SYT2: variants seen among roughly 807,000 people sequenced by gnomAD.
The protein encoded by SYT2 is synaptotagmin 2.
In SYT2, 15 loss-of-function variants were observed where a neutral mutation model predicts 39.9. The ratio of observed to expected loss-of-function variants is 0.38; its 90% confidence interval spans 0.25 to 0.58. The LOEUF is 0.58. SYT2 is among the 20% of genes least tolerant of loss of function. The probability of loss-of-function intolerance (pLI) is 0.70; values close to 1 mark genes in which losing one functional copy is unlikely to be tolerated. For missense variants in SYT2, 389 were observed against 530.3 expected, an observed-to-expected ratio of 0.73 and a Z score of 2.62; for synonymous variants, 181 against 204.5, an observed-to-expected ratio of 0.89 and a Z score of 0.98.
intron 1 of SYT2, among the ~76,000 whole-genome samples, chr1:202,654,523 C>T (rs1286992888): frequency 6.6e-6 from 1 of 152,230 alleles, no homozygotes. Flanking sequence ...TTGCCTACTT[C>T]ATGTGTCAAA....
intron 5 of SYT2, 49 bp downstream of exon 5, chr1:202,602,329 G>A (rs1690535112): frequency 6.4e-7 from 1 of 1,572,316 alleles, no homozygotes; most frequent in Admixed American, 1.7e-5. Flanking sequence ...ACTCAGCAGA[G>A]AATTGGGATC....
In SYT2 at chr1:202,625,168, G is replaced by C. The variant is rs1229772397; in HGVS notation, c.-17-19379C>G. 2.3e-4 allele frequency among the ~76,000 whole-genome samples: 20 copies of C among 88,730 alleles called. No individual in the cohort carries two copies. In the Admixed American group the frequency reaches 2.4e-3, roughly 11 times the overall value. The allele number at this position is 88,730 out of a possible 152,430, so 58.2% of individuals were successfully genotyped here. A position where few individuals can be genotyped will look rare whatever the true frequency, so the allele number is the denominator to read the frequency against. On this transcript the variant is annotated intron_variant, in intron 1 of 8. Coordinates refer to ENST00000367268, the MANE Select transcript of SYT2 (RefSeq NM_177402.5). The stretch of plus-strand genomic sequence containing the variant: ...ATAGGGTGTGTGGTGTGTCTGTGTG[G>C]TGTGTGTGTCGTGTGTGTGGCATGT...
intron 1 of SYT2, among the ~76,000 whole-genome samples, chr1:202,651,092 G>C (rs894452087): frequency 1.3e-5 from 2 of 152,166 alleles, no homozygotes; most frequent in Non-Finnish European, 2.9e-5. Context: ...CACAGCGGAA[G>C]GCTTGAAGCA....
intron 8 of SYT2, among the ~76,000 whole-genome samples, chr1:202,597,399 G>C (rs1261341174): frequency 6.6e-6 from 1 of 152,162 alleles, no homozygotes; most frequent in African/African-American, 2.4e-5. Context: ...TCACAGAAGA[G>C]GTGACTGGGA....
At chr1:202,642,355 C>G (rs368037814) in intron 1 of SYT2, among the ~76,000 whole-genome samples, 1 of 152,170 alleles carries the variant, frequency 6.6e-6, no homozygotes, top group East Asian at 1.9e-4. Flanking sequence ...CTTGTCCCCC[C>G]GCGCGCCCTC....
chr1:202,637,566 C>T (rs528096182), intron 1 of SYT2, among the ~76,000 whole-genome samples: 3 of 152,352 alleles, frequency 2.0e-5, no homozygotes, highest in Admixed American at 6.5e-5. Flanking sequence ...CCAGCCCAGC[C>T]GAGCAGTGGG....
At chr1:202,602,973 C>T in intron 4 of SYT2, 26 bp downstream of exon 4, 1 of 1,515,116 alleles carries the variant, frequency 6.6e-7, no homozygotes. Flanking sequence ...CATTCCCCCA[C>T]TCTGCCCCCC....
rs1264275521 is a variant in SYT2, at chr1:202,708,759, AG to A, written c.-18+1498del. ...TGCCAGGCACGTCCCACTGCATCAG[AG>A]CCACCCTGCCCCCTTCCACCTGCCA... is the stretch of plus-strand genomic sequence containing the variant. On this transcript the variant is annotated intron_variant, in intron 1 of 8. Coordinates refer to ENST00000367268, the MANE Select transcript of SYT2 (RefSeq NM_177402.5). 5.9e-5 allele frequency among the ~76,000 whole-genome samples: 9 copies of A among 152,260 alleles called. No individual in the cohort carries two copies. The East Asian group carries it at 1.7e-3, about 29-fold the overall frequency.
At chr1:202,693,730 T>C (rs913627024) in intron 1 of SYT2, among the ~76,000 whole-genome samples, 3 of 152,218 alleles carry the variant, frequency 2.0e-5, no homozygotes, top group Non-Finnish European at 2.9e-5. Flanking sequence ...AAAAAAAAGA[T>C]GCACTGTCCA....
At chr1:202,703,143 CAG>C (rs1654163079) in intron 1 of SYT2, among the ~76,000 whole-genome samples, 1 of 152,160 alleles carries the variant, frequency 6.6e-6, no homozygotes, top group Non-Finnish European at 1.5e-5. Flanking sequence ...CCTTAGGGAG[CAG>C]AGGTTCTCTG....
At chr1:202,626,430 A>G (rs1691416337) in intron 1 of SYT2, among the ~76,000 whole-genome samples, 1 of 88,736 alleles carries the variant, frequency 1.1e-5, no homozygotes, top group Non-Finnish European at 2.1e-5. Context: ...TTTTTTTGAG[A>G]CAGGGTCTCA....
intron 1 of SYT2, among the ~76,000 whole-genome samples, chr1:202,697,426 G>A (rs1289684707): frequency 6.6e-6 from 1 of 152,266 alleles, no homozygotes; most frequent in East Asian, 1.9e-4. Flanking sequence ...AGAGCCATGT[G>A]TGTGGCCTGT....
chr1:202,665,254 A>C (rs748976746), intron 1 of SYT2, among the ~76,000 whole-genome samples: 2 of 152,218 alleles, frequency 1.3e-5, no homozygotes, highest in Non-Finnish European at 2.9e-5. Flanking sequence ...CTCTTGCGTA[A>C]AGCACAGAGT....
At chr1:202,613,323 C>A (rs772054375) in intron 1 of SYT2, among the ~76,000 whole-genome samples, 1 of 152,032 alleles carries the variant, frequency 6.6e-6, no homozygotes, top group Non-Finnish European at 1.5e-5. Context: ...TCAGGTGATC[C>A]GCCTGCCTCC....
chr1:202,641,296 C>T (rs1327861738), intron 1 of SYT2, among the ~76,000 whole-genome samples: 2 of 152,204 alleles, frequency 1.3e-5, no homozygotes, highest in African/African-American at 4.8e-5. Context: ...TTCCTGGAGA[C>T]CACCTGCTCC....
At chr1:202,699,793 G>T (rs767075275) in intron 1 of SYT2, among the ~76,000 whole-genome samples, 53 of 151,822 alleles carry the variant, frequency 3.5e-4, no homozygotes, top group Non-Finnish European at 6.9e-4. Flanking sequence ...CTGCTGCACA[G>T]GCACTGGGCT....
At chr1:202,660,968 T>C (rs779725523) in intron 1 of SYT2, among the ~76,000 whole-genome samples, 3 of 152,204 alleles carry the variant, frequency 2.0e-5, no homozygotes, top group Non-Finnish European at 4.4e-5. Context: ...CACAGTATCA[T>C]ACTTCTGCAT....
chr1:202,607,673 G>A (rs1008552240), intron 1 of SYT2, among the ~76,000 whole-genome samples: 7 of 152,106 alleles, frequency 4.6e-5, no homozygotes, highest in African/African-American at 1.7e-4. Flanking sequence ...AACTCTTACT[G>A]TCTGCCATGT....
chr1:202,674,001 C>G (rs1441521310), intron 1 of SYT2, among the ~76,000 whole-genome samples: 1 of 151,746 alleles, frequency 6.6e-6, no homozygotes, highest in East Asian at 1.9e-4. Context: ...ACATGAAGGT[C>G]TATGTGGCAG....
Sources: gnomAD v4.1 joint callset for allele counts (sites outside exome capture counted in the v4.1 genomes callset) on GRCh38, gnomAD v4.1.1 for gene constraint, MANE v1.5 for transcripts, NCBI Gene and HGNC (gene_info 2026-07-23, HGNC 2026-07-21) for gene names.